IL1RL1: variants seen among roughly 807,000 people sequenced by gnomAD.
The protein encoded by IL1RL1 is interleukin 1 receptor like 1.
A neutral mutation model predicts 50.9 loss-of-function variants in IL1RL1; 32 were observed. The ratio of observed to expected loss-of-function variants is 0.63; its 90% CI spans 0.47 to 0.84. IL1RL1 has a LOEUF of 0.84. Among genes scored for constraint, IL1RL1 ranks in the 40% least tolerant of loss-of-function variants. IL1RL1 has a pLI of 0.00. For missense variants in IL1RL1, 773 were observed against 662.9 expected (o/e 1.17, Z -1.82); for synonymous variants, 275 against 236.0 (o/e 1.17, Z -1.51).
chr2:102,343,546 C>T (rs1247826419), intron 8 of IL1RL1, 131 bp downstream of exon 8: 20 of 1,570,376 alleles, frequency 1.3e-5, no homozygotes, highest in Admixed American at 1.8e-5. Flanking sequence ...TTCTCTTCTT[C>T]GGGATGTTGT....
chr2:102,336,153 C>G lies in IL1RL1; in HGVS notation c.-149-1963C>G, dbSNP rs142838681. 1.1e-3 allele frequency among the ~76,000 whole-genome samples: 175 copies of G among 152,306 alleles called. 1 individual carries two copies. The highest frequency in any genetic ancestry group is 3.8e-3 in the African/African-American group (159 of 41,570). ...CTCTCCCTTTTGCAGCTACTCCTTT[C>G]TGAACCTTCCACAAGCAGTGGCAGT... On this transcript the variant is annotated intron_variant, in intron 1 of 10. Transcript: ENST00000233954.
chr2:102,342,516 T>A lies in IL1RL1; in HGVS notation c.682+222T>A, dbSNP rs149593443. Among the ~76,000 whole-genome samples, 203 of 152,300 alleles carry A rather than the reference T, an allele frequency of 1.3e-3. 1 individual carries two copies. The highest frequency in any genetic ancestry group is 4.6e-3 in the African/African-American group (193 of 41,570). ...ACATTTGTTTATTGTACTTTGTAAT[T>A]CATGATGCTTTCATGTATGCATCTA... On this transcript the variant is annotated intron_variant, in intron 6 of 10. Transcript: ENST00000233954.
At chr2:102,327,650 C>T (rs1677049614) in intron 1 of IL1RL1, among the ~76,000 whole-genome samples, 1 of 152,078 alleles carries the variant, frequency 6.6e-6, no homozygotes, top group Non-Finnish European at 1.5e-5. Flanking sequence ...CAAATAGACG[C>T]AATAAAAAAT....
chr2:102,346,677 A>G (rs1677794810), intron 8 of IL1RL1, among the ~76,000 whole-genome samples: 1 of 152,202 alleles, frequency 6.6e-6, no homozygotes, highest in African/African-American at 2.4e-5. Context: ...AGTTTTCATT[A>G]TTTAACCTGA....
intron 1 of IL1RL1, among the ~76,000 whole-genome samples, chr2:102,329,397 C>T (rs533673635): frequency 6.6e-6 from 1 of 152,276 alleles, no homozygotes; most frequent in East Asian, 1.9e-4. Flanking sequence ...TAGAAGAAAA[C>T]CTAGGCAATA....
intron 1 of IL1RL1, among the ~76,000 whole-genome samples, chr2:102,317,403 C>T (rs1676709922): frequency 1.3e-5 from 2 of 152,048 alleles, no homozygotes; most frequent in South Asian, 2.1e-4. Flanking sequence ...TGTAATTACC[C>T]TAACAATATT....
At chr2:102,314,603 G>A (rs1421933764) in intron 1 of IL1RL1, among the ~76,000 whole-genome samples, 1 of 152,186 alleles carries the variant, frequency 6.6e-6, no homozygotes, top group East Asian at 1.9e-4. Flanking sequence ...CTTTAGTGTG[G>A]ATATCAGTGG....
intron 8 of IL1RL1, chr2:102,345,955 G>A: frequency 2.0e-6 from 2 of 985,404 alleles, no homozygotes; most frequent in Non-Finnish European, 2.4e-6. Context: ...GGTTACCTAT[G>A]TGTTTGAATT....
At chr2:102,341,675 T>C (rs1167229319) in intron 5 of IL1RL1, among the ~76,000 whole-genome samples, 1 of 152,146 alleles carries the variant, frequency 6.6e-6, no homozygotes, top group African/African-American at 2.4e-5. Context: ...AATCACACTG[T>C]CATTAAATAA....
intron 1 of IL1RL1, 46 bp from the exon 2 acceptor site, chr2:102,338,070 G>T: frequency 2.5e-6 from 1 of 398,056 alleles, no homozygotes; most frequent in Middle Eastern, 5.7e-4. Context: ...TAAAAATCAT[G>T]GCTGATAAAA....
At chr2:102,331,607 C>T (rs1677180737) in intron 1 of IL1RL1, among the ~76,000 whole-genome samples, 1 of 152,168 alleles carries the variant, frequency 6.6e-6, no homozygotes, top group South Asian at 2.1e-4. Flanking sequence ...CCAAGGGTGA[C>T]TCAGGTCTCA....
Position 102,313,828 on chromosome 2 carries a change from AGTGT to A in IL1RL1, c.-150+2215_-150+2218del, listed in dbSNP as rs368941865. Among the ~76,000 whole-genome samples, 4 of 152,038 alleles carry A rather than the reference AGTGT, an allele frequency of 2.6e-5. No individual in the cohort carries two copies. The South Asian group carries it at 6.2e-4, about 24-fold the overall frequency. ...GGGAGCATGCATGTGTGTGTGCACGAGTGTGTGTGTGTGCGTGCACTTGCATGCG... is the reference window on the plus strand; with the variant it reads ...GGGAGCATGCATGTGTGTGTGCACGAGTGTGTGTGCGTGCACTTGCATGCG... On this transcript the variant is annotated intron_variant, in intron 1 of 10. Coordinates refer to ENST00000233954, the MANE Select transcript of IL1RL1 (RefSeq NM_016232.5).
intron 1 of IL1RL1, among the ~76,000 whole-genome samples, chr2:102,325,211 C>A (rs989848359): frequency 1.3e-5 from 2 of 152,346 alleles, no homozygotes; most frequent in African/African-American, 4.8e-5. Flanking sequence ...CGCTGTTCTG[C>A]AGCCTCTGCT....
intron 1 of IL1RL1, among the ~76,000 whole-genome samples, chr2:102,335,226 A>G (rs1184065672): frequency 6.6e-6 from 1 of 152,216 alleles, no homozygotes; most frequent in Non-Finnish European, 1.5e-5. Flanking sequence ...GTTATGTTGA[A>G]TGGTGCCTGA....
chr2:102,349,089 C>A lies in IL1RL1; in HGVS notation c.1128C>A (p.Leu376=), dbSNP rs1197953857. ...TGTTTTCATTTTCAGATGGAAAGCT[C>A]TATGATGCTTATGTTGTCTACCCAC... ...KPYKTRNDGK[L]YDAYVVYPRN... is the part of the protein sequence containing the mutation. Residue 376 remains leucine (L), a synonymous_variant, in exon 10 of 11, where the codon CTC becomes CTA. Coordinates refer to ENST00000233954, the MANE Select transcript of IL1RL1 (RefSeq NM_016232.5). 6.2e-7 allele frequency: 1 copy of A among 1,613,134 alleles called. No individual in the cohort carries two copies. The highest frequency in any genetic ancestry group is 1.7e-5 in the Admixed American group (1 of 59,992).
At chr2:102,330,288 A>G (rs1045383257) in intron 1 of IL1RL1, among the ~76,000 whole-genome samples, 1 of 150,964 alleles carries the variant, frequency 6.6e-6, no homozygotes, top group East Asian at 2.0e-4. Flanking sequence ...GGAATTGGAC[A>G]ATGAGAACAC....
At chr2:102,349,411 C>G (rs12469506) in intron 10 of IL1RL1, among the ~76,000 whole-genome samples, 165 bp downstream of exon 10, 1 of 151,962 alleles carries the variant, frequency 6.6e-6, no homozygotes, top group Non-Finnish European at 1.5e-5. Context: ...CCTTCAATCG[C>G]CCCTCTCCCA....
At chr2:102,337,286 T>G (rs1020087020) in intron 1 of IL1RL1, 1 of 152,272 alleles carries the variant, frequency 6.6e-6, no homozygotes, top group Non-Finnish European at 1.5e-5. Context: ...CTGGAAACTA[T>G]TCTTAGCTCC....
At position 102,340,741 on chromosome 2, in the gene IL1RL1, G is replaced by A; in HGVS notation, c.523G>A (p.Asp175Asn). The change falls in exon 5 of 11, where the codon GAC becomes AAC. Residue 175 changes from aspartate (D) to asparagine (N), a missense_variant. Transcript: ENST00000233954. ...GGTCATTGATAATGTGATGACTGAGGACGCAGGTGATTACACCTGTAAATT... is the reference window on the plus strand; with the variant it reads ...GGTCATTGATAATGTGATGACTGAGAACGCAGGTGATTACACCTGTAAATT... ...FLVIDNVMTEDAGDYTCKFIH... is the reference protein window; with the variant it reads ...FLVIDNVMTENAGDYTCKFIH... 6.3e-7 allele frequency: 1 copy of A among 1,599,546 alleles called. No homozygotes were observed. The highest frequency in any genetic ancestry group is 8.5e-7 in the Non-Finnish European group (1 of 1,175,184).
Sources: allele counts gnomAD v4.1 joint callset (sites outside exome capture counted in the v4.1 genomes callset), GRCh38; gene constraint gnomAD v4.1.1; transcripts MANE v1.5; gene names NCBI Gene and HGNC (gene_info 2026-07-23, HGNC 2026-07-21).